The following DNAH5 variants were observed in gnomAD, a reference collection of about 807,000 sequenced individuals.
DNAH5 encodes axonemal beta dynein heavy chain 5.
A neutral mutation model predicts 518.2 loss-of-function variants in DNAH5; 372 were observed. The observed-to-expected ratio is 0.72, with a 90% CI of 0.66 to 0.78. The LOEUF is 0.78. DNAH5 is among the 30% of genes least tolerant of loss of function. DNAH5 has a pLI of 0.00. For missense variants in DNAH5, 5,523 were observed against 5,687.0 expected, an observed-to-expected ratio of 0.97 and a Z score of 0.93; for synonymous variants, 2,039 against 2,025.9, an observed-to-expected ratio of 1.01 and a Z score of -0.17.
At chr5:13,984,144 A>G (rs1178857073) in intron 1 of DNAH5, among the ~76,000 whole-genome samples, 1 of 152,210 alleles carries the variant, frequency 6.6e-6, no homozygotes, top group Non-Finnish European at 1.5e-5. Context: ...GAGACATGCA[A>G]TGTTGCCAGC....
In DNAH5 at chr5:13,862,641, C is replaced by G. The variant is rs200994058; in HGVS notation, c.4703G>C (p.Arg1568Pro). 1 of 1,613,944 alleles carries G rather than the reference C, an allele frequency of 6.2e-7. No individual in the cohort carries two copies. Residue 1568 changes from arginine to proline, a missense_variant, in exon 29 of 79, where the codon CGT becomes CCT. Around this residue, in one of 3 missense-constraint regions of DNAH5, gnomAD observed 5,121 missense variants for 5,223.3 expected, o/e 0.98. Coordinates refer to ENST00000265104, the MANE Select transcript of DNAH5 (RefSeq NM_001369.3). Reference protein sequence around the residue: ...KTFTFGSFKTRGELLLRGDST... With the variant: ...KTFTFGSFKTPGELLLRGDST... ...GTCTCCTCTCAAGAGGAGCTCTCCA[C>G]GGGTTTTAAAGCTGCCGAAGGTGAA... is the stretch of plus-strand genomic sequence containing the variant.
chr5:13,750,961 A>C (rs1750129299), intron 65 of DNAH5, 117 bp downstream of exon 65: 3 of 1,171,352 alleles, frequency 2.6e-6, no homozygotes, highest in African/African-American at 1.5e-5. Context: ...ATGGAAAAAA[A>C]CACAGGGAAT....
intron 46 of DNAH5, among the ~76,000 whole-genome samples, chr5:13,808,590 A>G (rs1184769516): frequency 6.6e-6 from 1 of 152,254 alleles, no homozygotes; most frequent in East Asian, 1.9e-4. Context: ...GTGGGGAATA[A>G]TAAAGGAATA....
rs555458982 is a variant in DNAH5 at position 13,982,528 on chromosome 5, ATGAG to A, written c.12+29116_12+29119del. On this transcript the variant is annotated intron_variant, in intron 1 of 78. Coordinates refer to the DNAH5 transcript ENST00000681290. ...AGTGAGTAGACATATGCATTACTGC[ATGAG>A]TGAGTAGACATATGCATTATTGCAT... is the stretch of plus-strand genomic sequence containing the variant. Among the ~76,000 whole-genome samples, 90 of 150,982 alleles carry A rather than the reference ATGAG, an allele frequency of 6.0e-4. 1 individual carries two copies. The highest frequency in any genetic ancestry group is 1.2e-3 in the Non-Finnish European group (79 of 67,562).
At chr5:13,766,702 C>A (rs1012337546) in intron 58 of DNAH5, among the ~76,000 whole-genome samples, 1 of 152,052 alleles carries the variant, frequency 6.6e-6, no homozygotes, top group Non-Finnish European at 1.5e-5. Flanking sequence ...CTTTAAATGA[C>A]GGGACTTGAG....
At position 13,788,833 on chromosome 5, in the gene DNAH5, C is replaced by T. The variant is rs2126882668; in HGVS notation, c.8530G>A (p.Asp2844Asn). The change falls in exon 51 of 79, where the codon GAT becomes AAT. Residue 2844 changes from aspartate (D) to asparagine (N), a missense_variant. Physicochemically the swap from Asp to Asn is conservative, Grantham distance 23 (BLOSUM62 1). This residue lies in a region of DNAH5 where 5,121 missense variants were observed against 5,223.3 expected (regional missense o/e 0.98). Transcript: ENST00000265104. Reference sequence around the variant, plus strand: ...TCTACCAAACTTACTAAAGCCTTATCAAACCAGGTCACATCACTGGACACT... The same window carrying T: ...TCTACCAAACTTACTAAAGCCTTATTAAACCAGGTCACATCACTGGACACT... ...FTVSSDVTWF[D>N]KALVSLVEEE... 1 of 1,614,154 alleles carries T rather than the reference C, an allele frequency of 6.2e-7. No individual in the cohort carries two copies. Among genetic ancestry groups the T allele is most frequent in the Non-Finnish European group, 8.5e-7 (1 of 1,180,020 alleles).
chr5:13,730,662 C>T (rs1270698209), intron 68 of DNAH5, among the ~76,000 whole-genome samples: 1 of 150,650 alleles, frequency 6.6e-6, no homozygotes, highest in Non-Finnish European at 1.5e-5. Context: ...TATCGATCTC[C>T]TGACCTCGTG....
intron 61 of DNAH5, among the ~76,000 whole-genome samples, chr5:13,758,177 C>T (rs768163645): frequency 4.0e-5 from 6 of 151,882 alleles, no homozygotes; most frequent in Non-Finnish European, 7.4e-5. Context: ...TCTCTTTAGG[C>T]ATTTGACTTG....
intron 11 of DNAH5, among the ~76,000 whole-genome samples, chr5:13,912,352 AAAC>A (rs921854714): frequency 6.6e-6 from 1 of 152,068 alleles, no homozygotes; most frequent in African/African-American, 2.4e-5. Flanking sequence ...TTACTAGATA[AAAC>A]AACCTACTTT....
Position 13,847,823 on chromosome 5 carries a change from G to A in DNAH5, c.5114+2829C>T, listed in dbSNP as rs559656894. 1.8e-4 allele frequency among the ~76,000 whole-genome samples: 27 copies of A among 152,172 alleles called. 1 individual carries two copies. Among genetic ancestry groups the A allele is most frequent in the Admixed American group, 1.8e-3 (27 of 15,280 alleles). On this transcript the variant is annotated intron_variant, in intron 31 of 78. Transcript: ENST00000265104. ...GTGGTGGTGGGTGGAAGATGAGGAA[G>A]GGAGAGAAAAGCAATAAACTCAGCT...
In DNAH5 at chr5:13,735,829, A is replaced by G. The variant is rs774935271; in HGVS notation, c.11559T>C (p.Leu3853=). The G allele has an allele frequency of 7.4e-5, 119 of 1,613,932 alleles. 3 individuals carry two copies. In the South Asian group the frequency reaches 1.2e-3, roughly 17 times the overall value. Residue 3853 remains leucine, a synonymous_variant, in exon 67 of 79, where the codon CTT becomes CTC. Coordinates refer to ENST00000265104, the MANE Select transcript of DNAH5 (RefSeq NM_001369.3). The part of the protein sequence containing the change: ...SLRQFLGLFD[L]SLARSVKSPI... ...GCGTACAGACGTACCTGGCTAAGGAAAGGTCAAATAAGCCCAGAAACTGGC... is the reference window on the plus strand; with the variant it reads ...GCGTACAGACGTACCTGGCTAAGGAGAGGTCAAATAAGCCCAGAAACTGGC...
chr5:13,830,335 A>C (rs1278577152), intron 36 of DNAH5, 122 bp from the exon 37 acceptor site: 68 of 1,003,400 alleles, frequency 6.8e-5, no homozygotes, highest in Non-Finnish European at 9.3e-5. Flanking sequence ...AAAGTGCAAC[A>C]AATAGATCTA....
chr5:13,799,921 A>G (rs918168551), intron 47 of DNAH5, among the ~76,000 whole-genome samples: 1 of 152,174 alleles, frequency 6.6e-6, no homozygotes, highest in African/African-American at 2.4e-5. Context: ...ATGTTTACTT[A>G]CATTTTATTT....
In DNAH5 at chr5:13,839,523, A is replaced by G. The variant is rs1236115871; in HGVS notation, c.5715T>C (p.His1905=). ...HQRDIFDDLC[H]MHIKSPMDFE... is the part of the protein sequence containing the mutation. Reference sequence around the variant, plus strand: ...AGTCCATGGGACTCTTGATATGCATATGACACTGAAATTCAAAAGGTATAT... The same window carrying G: ...AGTCCATGGGACTCTTGATATGCATGTGACACTGAAATTCAAAAGGTATAT... The change falls in exon 35 of 79, where the codon CAT becomes CAC. Residue 1905 remains histidine, a synonymous_variant. Coordinates refer to ENST00000265104, the MANE Select transcript of DNAH5 (RefSeq NM_001369.3). The G allele has an allele frequency of 6.2e-7, 1 of 1,613,356 alleles. No individual in the cohort carries two copies. Among genetic ancestry groups the G allele is most frequent in the Admixed American group, 1.7e-5 (1 of 60,032 alleles).
intron 65 of DNAH5, 34 bp from the exon 66 acceptor site, chr5:13,737,529 A>G: frequency 3.1e-6 from 5 of 1,606,018 alleles, no homozygotes; most frequent in African/African-American, 1.3e-5. Context: ...TTCTACCTCA[A>G]TTAACAACTC....
At chr5:13,742,020 T>C (rs1389941081) in intron 65 of DNAH5, among the ~76,000 whole-genome samples, 1 of 152,158 alleles carries the variant, frequency 6.6e-6, no homozygotes, top group African/African-American at 2.4e-5. Flanking sequence ...CTTGATTCAT[T>C]TCTGGCCAAA....
chr5:13,854,774 G>A (rs986553158), intron 30 of DNAH5, among the ~76,000 whole-genome samples: 35 of 152,132 alleles, frequency 2.3e-4, no homozygotes, highest in Non-Finnish European at 4.0e-4. Context: ...GACAAAGAAG[G>A]GTATTACATA....
At chr5:13,798,111 A>C (rs987372865) in intron 47 of DNAH5, among the ~76,000 whole-genome samples, 6 of 152,164 alleles carry the variant, frequency 3.9e-5, no homozygotes, top group African/African-American at 1.4e-4. Flanking sequence ...GTAAATGATG[A>C]GTTGATGGGT....
At chr5:13,847,485 C>T (rs1028896086) in intron 31 of DNAH5, among the ~76,000 whole-genome samples, 4 of 151,906 alleles carry the variant, frequency 2.6e-5, no homozygotes, top group Admixed American at 2.6e-4. Context: ...TTTGAGAGGC[C>T]GAGGAGGGTG....
Sources: allele counts gnomAD v4.1 joint callset (sites outside exome capture counted in the v4.1 genomes callset), GRCh38; gene constraint gnomAD v4.1.1; regional missense constraint gnomAD v4.1.1; transcripts MANE v1.5; gene names NCBI Gene and HGNC (gene_info 2026-07-23, HGNC 2026-07-21).